Variants in INTS11 observed in about 807,000 individuals in gnomAD.
INTS11 encodes integrator complex subunit 11.
Under a neutral mutation model 78.6 loss-of-function variants are expected in INTS11, and 77 were observed. The observed-to-expected ratio is 0.98, with a 90% confidence interval of 0.81 to 1.18. INTS11 has a LOEUF of 1.18. Among genes scored for constraint, INTS11 ranks in the 50% most tolerant of loss-of-function variants. INTS11 has a pLI of 0.00. For missense variants in INTS11, 875 were observed against 825.9 expected, an observed-to-expected ratio of 1.06 and a Z score of -0.73; for synonymous variants, 441 against 326.9, an observed-to-expected ratio of 1.35 and a Z score of -3.77.
rs755005813 is a variant in INTS11, at chr1:1,312,115, G to A, written c.1640C>T (p.Pro547Leu). The change falls in exon 16 of 17, where the codon CCA (proline) becomes CTA (leucine). Residue 547 changes from proline to leucine, a missense_variant. Physicochemically the swap from Pro to Leu is moderately conservative, Grantham distance 98. Coordinates refer to ENST00000435064, the MANE Select transcript of INTS11 (RefSeq NM_017871.6). ...VLKDHCVQHL[P>L]DGSVTVESVL... ...GGACTCCACAGTCACAGAGCCGTCT[G>A]GGAGGTGCTGCACACAGTGGTCCTT... 156 of 1,575,030 alleles carry A rather than the reference G, an allele frequency of 9.9e-5. No individual in the cohort carries two copies. Among genetic ancestry groups the A allele is most frequent in the Non-Finnish European group, 1.2e-4 (135 of 1,158,396 alleles).
intron 4 of INTS11, 28 bp from the exon 5 acceptor site, chr1:1,315,646 T>C: frequency 6.4e-7 from 1 of 1,554,672 alleles, no homozygotes; most frequent in Non-Finnish European, 8.8e-7. Flanking sequence ...GCGCTCAGGC[T>C]GTGTCCTCAC....
chr1:1,321,100 G>C lies in INTS11; in HGVS notation c.29-7C>G. ...CCCACGTCCTGGCCGGCCCCTACTC[G>C]AGGGAGGGCAGATGAGTCACTGCTG... On this transcript the variant is annotated splice_polypyrimidine_tract_variant and splice_region_variant and intron_variant, in intron 1 of 16. Coordinates refer to ENST00000435064, the MANE Select transcript of INTS11 (RefSeq NM_017871.6). The C allele has an allele frequency of 6.2e-7, 1 of 1,606,246 alleles. No homozygotes were observed. Among genetic ancestry groups the C allele is most frequent in the Middle Eastern group, 1.7e-4 (1 of 6,036 alleles).
Position 1,311,624 on chromosome 1 carries a change from A to ACTGCTGTCTC in INTS11, c.*234_*235insGAGACAGCAG. The ACTGCTGTCTC allele has an allele frequency of 1.4e-6, 1 of 713,014 alleles. No homozygotes were observed. 44.2% of individuals were successfully genotyped at this position (713,014 alleles called of 1,614,324 possible). A position where few individuals can be genotyped will look rare whatever the true frequency, so the allele number is the denominator to read the frequency against. The stretch of plus-strand genomic sequence containing the variant: ...GTCTTTTGTTCAGCTTTTACTGGAA[A>ACTGCTGTCTC]CTGCTGTCTAGGACCACCTGCCCTA... On this transcript the variant is annotated 3_prime_UTR_variant, in exon 17 of 17. Coordinates refer to ENST00000435064, the MANE Select transcript of INTS11 (RefSeq NM_017871.6).
chr1:1,315,640 T>C, intron 4 of INTS11, 22 bp from the exon 5 acceptor site: 11 of 1,570,478 alleles, frequency 7.0e-6, no homozygotes, highest in African/African-American at 1.4e-5. Context: ...AGGGCTGCGC[T>C]CAGGCTGTGT....
rs9725147 is a variant in INTS11 at position 1,313,219 on chromosome 1, T to C, written c.1042-95A>G. The C allele has an allele frequency of 4.7e-4, 656 of 1,400,412 alleles. 3 individuals carry two copies. The African/African-American group carries it at 8.0e-3, about 17-fold the overall frequency. The allele number at this position is 1,400,412 out of a possible 1,614,324, so 86.7% of individuals were successfully genotyped here. On this transcript the variant is annotated intron_variant, in intron 10 of 16. Transcript: ENST00000435064. ...CCCCCGCCTGAACCCCTGGAAGCTG[T>C]TTCCACCTGCCAGCGGCGCCCGACC...
intron 1 of INTS11, among the ~76,000 whole-genome samples, chr1:1,321,519 C>T (rs1642945751): frequency 6.6e-6 from 1 of 152,240 alleles, no homozygotes; most frequent in Non-Finnish European, 1.5e-5. Context: ...CAGGATCTTT[C>T]CCCAGGCAGG....
In INTS11 at chr1:1,313,525, C is replaced by G; in HGVS notation, c.1025G>C (p.Gly342Ala). Residue 342 changes from glycine to alanine, a missense_variant, in exon 10 of 17, where the codon GGA (glycine) becomes GCA (alanine). Transcript: ENST00000435064. ...QSLQIFRKWA[G>A]NEKNMVIMPG... Reference sequence around the variant, plus strand: ...TGCCCTCACCATGTTCTTTTCGTTTCCGGCCCATTTCCGGAAGATCTGCAG... The same window carrying G: ...TGCCCTCACCATGTTCTTTTCGTTTGCGGCCCATTTCCGGAAGATCTGCAG... 2 of 1,613,050 alleles carry G rather than the reference C, an allele frequency of 1.2e-6. No homozygotes were observed. Among genetic ancestry groups the G allele is most frequent in the Non-Finnish European group, 1.7e-6 (2 of 1,180,016 alleles).
intron 4 of INTS11, chr1:1,318,886 A>C: frequency 1.5e-6 from 1 of 682,722 alleles, no homozygotes; most frequent in South Asian, 1.6e-5. Context: ...ACCCACACCC[A>C]GAACCAGGCA....
Position 1,319,392 on chromosome 1 carries a change from G to A in INTS11, c.333C>T (p.Ala111=), listed in dbSNP as rs149659998. 50 of 1,613,266 alleles carry A rather than the reference G, an allele frequency of 3.1e-5. No individual in the cohort carries two copies. Among genetic ancestry groups the A allele is most frequent in the South Asian group, 1.4e-4 (13 of 91,092 alleles). Residue 111 remains alanine (A), a synonymous_variant, in exon 4 of 17, where the codon GCC becomes GCT. Coordinates refer to ENST00000435064, the MANE Select transcript of INTS11 (RefSeq NM_017871.6). ...AGTTGGCCTCGCCCTTCTTGTCTAC[G>A]GCGATCTTGCGGTAGTCCTCCAGCA... is the stretch of plus-strand genomic sequence containing the variant. The part of the protein sequence containing the change: ...PILLEDYRKI[A]VDKKGEANFF...
intron 4 of INTS11, chr1:1,318,694 C>T: frequency 2.2e-6 from 1 of 454,262 alleles, no homozygotes; most frequent in Non-Finnish European, 4.0e-6. Flanking sequence ...GATAAACATA[C>T]TTCATTTTGA....
In INTS11 at chr1:1,311,643, T is replaced by G. The variant is rs1642164705; in HGVS notation, c.*216A>C. 4 of 707,722 alleles carry G rather than the reference T, an allele frequency of 5.7e-6. No individual in the cohort carries two copies. Among genetic ancestry groups the G allele is most frequent in the Non-Finnish European group, 1.0e-5 (4 of 392,364 alleles). 43.8% of individuals were successfully genotyped at this position (707,722 alleles called of 1,614,324 possible). On this transcript the variant is annotated 3_prime_UTR_variant, in exon 17 of 17. Coordinates refer to ENST00000435064, the MANE Select transcript of INTS11 (RefSeq NM_017871.6). ...CTGGAAACTGCTGTCTAGGACCACCTGCCCTAACCAGGAATAAAGGCAAGA... is the reference window on the plus strand; with the variant it reads ...CTGGAAACTGCTGTCTAGGACCACCGGCCCTAACCAGGAATAAAGGCAAGA...
intron 4 of INTS11, chr1:1,315,844 G>C (rs1351242462): frequency 2.9e-6 from 1 of 340,026 alleles, no homozygotes; most frequent in African/African-American, 2.3e-5. Context: ...CAGGGAGGGA[G>C]GCGGGGCGGG....
At position 1,312,198 on chromosome 1, in the gene INTS11, T is replaced by TGGGGGGG. The variant is rs70949570; in HGVS notation, c.1607+21_1607+27dup. On this transcript the variant is annotated intron_variant, in intron 15 of 16. Coordinates refer to ENST00000435064, the MANE Select transcript of INTS11 (RefSeq NM_017871.6). ...GCCTGGCCTCCAGGGCCCAAGGGAGTGGGGGGGGGGCGGGGCCGGGCGCCC... is the reference window on the plus strand; with the variant it reads ...GCCTGGCCTCCAGGGCCCAAGGGAGTGGGGGGGGGGGGGGGGGCGGGGCCGGGCGCCC... 2.2e-3 allele frequency: 2,376 copies of TGGGGGGG among 1,077,508 alleles called. 5 individuals are homozygous for TGGGGGGG. Among genetic ancestry groups the TGGGGGGG allele is most frequent in the Non-Finnish European group, 2.5e-3 (2,023 of 803,704 alleles). The allele number at this position is 1,077,508 out of a possible 1,614,324, so 66.7% of individuals were successfully genotyped here.
chr1:1,314,525 A>AAGGGAGCCGTATGAGAGACAGG lies in INTS11; in HGVS notation c.703-182_703-161dup, dbSNP rs1313655713. The stretch of plus-strand genomic sequence containing the variant: ...CGTCCCAGCCGCTCTCCAGAGACAG[A>AAGGGAGCCGTATGAGAGACAGG]AGGGAGCCGTATGAGAGACAGGAGG... On this transcript the variant is annotated intron_variant, in intron 7 of 16. Transcript: ENST00000435064. The surrounding 1 kb of genome is among the most constrained non-coding windows in gnomAD (Gnocchi z 4.2). The AAGGGAGCCGTATGAGAGACAGG allele has an allele frequency of 8.8e-6, 6 of 679,320 alleles. No homozygotes were observed. The East Asian group carries it at 1.4e-4, about 16-fold the overall frequency. The allele number at this position is 679,320 out of a possible 1,614,324, so 42.1% of individuals were successfully genotyped here. A position where few individuals can be genotyped will look rare whatever the true frequency, so the allele number is the denominator to read the frequency against.
chr1:1,314,533 C>T lies in INTS11; in HGVS notation c.703-168G>A, dbSNP rs537389331. 5.1e-5 allele frequency: 34 copies of T among 661,476 alleles called. No individual in the cohort carries two copies. The highest frequency in any genetic ancestry group is 8.9e-5 in the Admixed American group (3 of 33,674). 41.0% of individuals were successfully genotyped at this position (661,476 alleles called of 1,614,324 possible). ...CCGCTCTCCAGAGACAGAAGGGAGC[C>T]GTATGAGAGACAGGAGGGAGCCGCA... On this transcript the variant is annotated intron_variant, in intron 7 of 16. Coordinates refer to ENST00000435064, the MANE Select transcript of INTS11 (RefSeq NM_017871.6). This position sits in a 1 kb window ranked among gnomAD's most constrained non-coding sequence, Gnocchi z 4.2.
chr1:1,321,903 C>T (rs778244517), intron 1 of INTS11: 2 of 1,262,250 alleles, frequency 1.6e-6, no homozygotes, highest in Non-Finnish European at 2.1e-6. Context: ...TTGAATCCCA[C>T]CCACCTCCCC....
Position 1,315,531 on chromosome 1 carries a change from C to A in INTS11, c.517G>T (p.Val173Leu). The A allele has an allele frequency of 6.2e-7, 1 of 1,612,930 alleles. No homozygotes were observed. The highest frequency in any genetic ancestry group is 8.5e-7 in the Non-Finnish European group (1 of 1,179,850). ...MFQIKVGSESVVYTGDYNMTP... is the reference protein window; with the variant it reads ...MFQIKVGSESLVYTGDYNMTP... Reference sequence around the variant, plus strand: ...GCCCTTCCACTGACCGTGTAGACCACAGACTCTGAGCCCACTTTAATCTGG... The same window carrying A: ...GCCCTTCCACTGACCGTGTAGACCAAAGACTCTGAGCCCACTTTAATCTGG... Residue 173 changes from valine (V) to leucine (L), a missense_variant, in exon 5 of 17, where the codon GTG becomes TTG. By Grantham distance (32) the Val-to-Leu change is conservative. Coordinates refer to ENST00000435064, the MANE Select transcript of INTS11 (RefSeq NM_017871.6).
At position 1,314,205 on chromosome 1, in the gene INTS11, A is replaced by C. The variant is rs940898161; in HGVS notation, c.767+96T>G. 27 of 1,209,352 alleles carry C rather than the reference A, an allele frequency of 2.2e-5. No homozygotes were observed. Among genetic ancestry groups the C allele is most frequent in the Non-Finnish European group, 3.2e-5 (27 of 836,728 alleles). The allele number at this position is 1,209,352 out of a possible 1,614,324, so 74.9% of individuals were successfully genotyped here. ...CCCAGGACAGCAGCAAGCAGGGCCA[A>C]GATGCCACCGCTACGCTGGACAGGG... On this transcript the variant is annotated intron_variant, in intron 8 of 16. Transcript: ENST00000435064. The surrounding 1 kb of genome is among the most constrained non-coding windows in gnomAD (Gnocchi z 4.2).
Position 1,315,437 on chromosome 1 carries a change from C to A in INTS11, c.530G>T (p.Gly177Val). The change falls in exon 6 of 17, where the codon GGT becomes GTT. Residue 177 changes from glycine to valine, a missense_variant and splice_region_variant. Transcript: ENST00000435064. ...TCGGTCTGGGGTCATGTTATAATCACCCTGGTGAACGATCAAGGATGCCAT... is the reference window on the plus strand; with the variant it reads ...TCGGTCTGGGGTCATGTTATAATCAACCTGGTGAACGATCAAGGATGCCAT... ...KVGSESVVYT[G>V]DYNMTPDRHL... The A allele has an allele frequency of 6.2e-7, 1 of 1,613,242 alleles. No individual in the cohort carries two copies.
Sources: allele counts gnomAD v4.1 joint callset (sites outside exome capture counted in the v4.1 genomes callset), GRCh38; gene constraint gnomAD v4.1.1; non-coding constraint Gnocchi (gnomAD v3.1); transcripts MANE v1.5; gene names NCBI Gene and HGNC (gene_info 2026-07-23, HGNC 2026-07-21).